ARHGEF18: variants seen among roughly 807,000 people sequenced by gnomAD.
ARHGEF18 encodes rho guanine nucleotide exchange factor 18.
In ARHGEF18, 93 loss-of-function variants were observed where a neutral mutation model predicts 155.7. That is an observed-to-expected ratio of 0.60 (90% CI 0.50 to 0.71). ARHGEF18 has a LOEUF of 0.71. ARHGEF18 is among the 30% of genes least tolerant of loss of function. The pLI is 0.00. For synonymous variants in ARHGEF18, 742 were observed against 753.1 expected (o/e 0.99, Z 0.24); for missense variants, 1,593 against 1,816.1 (o/e 0.88, Z 2.23).
At chr19:7,353,614 GAAAAGA>G (rs368935422) in intron 1 of ARHGEF18, among the ~76,000 whole-genome samples, 2,196 of 150,388 alleles carry the variant, frequency 0.015, 23 homozygotes, top group Non-Finnish European at 0.021. Flanking sequence ...AAAAAGAAAA[GAAAAGA>G]AAAAGAAAAA....
chr19:7,395,306 C>G lies in ARHGEF18; in HGVS notation c.967+12103C>G, dbSNP rs1427408476. ...CGGGGCTCAGGAGGGGGCCCTCGGT[C>G]TCTTCAGGGGGTGGCCTGGGGCGCG... On this transcript the variant is annotated intron_variant, in intron 10 of 28. Coordinates refer to ENST00000668164, the MANE Select transcript of ARHGEF18 (RefSeq NM_001367823.1). This position sits in a 1 kb window ranked among gnomAD's most constrained non-coding sequence, Gnocchi z 5.0. The G allele has an allele frequency of 1.0e-6, 1 of 985,790 alleles. No homozygotes were observed. The allele number at this position is 985,790 out of a possible 1,614,324, so 61.1% of individuals were successfully genotyped here.
Position 7,470,745 on chromosome 19 carries a change from G to T in ARHGEF18, c.*447G>T. 2.5e-6 allele frequency: 1 copy of T among 400,928 alleles called. No homozygotes were observed. The highest frequency in any genetic ancestry group is 4.4e-6 in the Non-Finnish European group (1 of 226,134). 24.8% of individuals were successfully genotyped at this position (400,928 alleles called of 1,614,324 possible). A position where few individuals can be genotyped will look rare whatever the true frequency, so the allele number is the denominator to read the frequency against. On this transcript the variant is annotated 3_prime_UTR_variant, in exon 29 of 29. Transcript: ENST00000668164. This position sits in a 1 kb window ranked among gnomAD's most constrained non-coding sequence, Gnocchi z 5.9. ...GGGCCACGCTCCACAGCCGCCGCGC[G>T]ACAGTGGAGCCAAGGGTTAGGGCAC...
At chr19:7,431,031 A>G (rs1407910161) in intron 10 of ARHGEF18, among the ~76,000 whole-genome samples, 7 of 151,648 alleles carry the variant, frequency 4.6e-5, no homozygotes, top group South Asian at 4.2e-4. Context: ...GCACACACCT[A>G]TGGTCCCAGC....
At chr19:7,404,775 G>A (rs1191926478) in intron 10 of ARHGEF18, among the ~76,000 whole-genome samples, 1 of 152,106 alleles carries the variant, frequency 6.6e-6, no homozygotes, top group East Asian at 1.9e-4. Context: ...AGGTTCGCCT[G>A]ATGGTTGGGC....
In ARHGEF18 at chr19:7,441,976, C is replaced by T. The variant is rs781112884; in HGVS notation, c.1284C>T (p.Ser428=). The T allele has an allele frequency of 5.0e-6, 8 of 1,614,112 alleles. No homozygotes were observed. In the East Asian group the frequency reaches 1.8e-4, roughly 36 times the overall value. Reference sequence around the variant, plus strand: ...ACGGCCACGAGTTTGAAGCTGAGTCCTGGAGCCTCGCCGTGGATGCAGCCT... The same window carrying T: ...ACGGCCACGAGTTTGAAGCTGAGTCTTGGAGCCTCGCCGTGGATGCAGCCT... ...ESDGHEFEAE[S]WSLAVDAAYA... The change falls in exon 13 of 29, where the codon TCC becomes TCT. Residue 428 remains serine, a synonymous_variant. Coordinates refer to ENST00000668164, the MANE Select transcript of ARHGEF18 (RefSeq NM_001367823.1).
At chr19:7,379,887 G>A (rs200725450) in intron 7 of ARHGEF18, among the ~76,000 whole-genome samples, 3 of 152,208 alleles carry the variant, frequency 2.0e-5, no homozygotes, top group Middle Eastern at 3.4e-3. Context: ...AAAATTTGCT[G>A]GGCGAGGTGG....
chr19:7,430,682 A>G (rs8103846), intron 10 of ARHGEF18, among the ~76,000 whole-genome samples: 80,711 of 151,848 alleles, frequency 0.53, 22,123 homozygotes, highest in East Asian at 0.75. Context: ...GTATGCGCCT[A>G]TAGTCCCAGC....
chr19:7,475,935 G>C (rs555185582), downstream of ARHGEF18, among the ~76,000 whole-genome samples: 2 of 152,200 alleles, frequency 1.3e-5, no homozygotes, highest in East Asian at 3.9e-4. Context: ...TGGCCCACTC[G>C]TGAGTCCTGG....
intron 18 of ARHGEF18, 117 bp downstream of exon 18, chr19:7,456,520 C>A: frequency 1.1e-6 from 1 of 911,190 alleles, no homozygotes. Flanking sequence ...AGTTGAAGTC[C>A]AGCCTGGCCA....
At chr19:7,474,515 A>C (rs1599196927), downstream of ARHGEF18, among the ~76,000 whole-genome samples, 1 of 152,024 alleles carries the variant, frequency 6.6e-6, no homozygotes, top group East Asian at 2.0e-4. Context: ...AGTAGCTGGG[A>C]TTACAGGCAC....
chr19:7,419,612 C>G (rs948587212), intron 10 of ARHGEF18, among the ~76,000 whole-genome samples: 21 of 152,228 alleles, frequency 1.4e-4, no homozygotes, highest in African/African-American at 5.1e-4. Context: ...CCTCAAAACC[C>G]TTTTCTCTTG....
Position 7,362,080 on chromosome 19 carries a change from A to G in ARHGEF18, c.-110-701A>G, listed in dbSNP as rs796393753. Among the ~76,000 whole-genome samples the G allele has an allele frequency of 2.4e-3, 48 of 19,666 alleles. 2 individuals carry two copies. The East Asian group carries it at 0.031, about 13-fold the overall frequency. 12.9% of individuals were successfully genotyped at this position (19,666 alleles called of 152,430 possible). A position where few individuals can be genotyped will look rare whatever the true frequency, so the allele number is the denominator to read the frequency against. ...GAAGGAGAAGGAGAAGGAGAAGGAG[A>G]AGGAGAAGGAGAAGGAGAAGGAGAA... is the stretch of plus-strand genomic sequence containing the variant. On this transcript the variant is annotated intron_variant, in intron 1 of 28. Coordinates refer to ENST00000668164, the MANE Select transcript of ARHGEF18 (RefSeq NM_001367823.1).
intron 2 of ARHGEF18, among the ~76,000 whole-genome samples, chr19:7,371,275 A>G (rs899268168): frequency 6.6e-5 from 10 of 152,140 alleles, no homozygotes; most frequent in Non-Finnish European, 8.8e-5. Context: ...GCTGTGTTTC[A>G]TGGGAACAGA....
chr19:7,469,873 G>A, intron 27 of ARHGEF18, 31 bp from the exon 28 acceptor site: 2 of 1,608,602 alleles, frequency 1.2e-6, no homozygotes, highest in Non-Finnish European at 1.7e-6. Flanking sequence ...TGGCCAGCCT[G>A]GAGCTGGCCC....
chr19:7,411,044 A>G (rs559115725), intron 10 of ARHGEF18, among the ~76,000 whole-genome samples: 2 of 152,096 alleles, frequency 1.3e-5, no homozygotes. Context: ...TATAGGTGAT[A>G]TTGAAGGTCC....
At chr19:7,421,245 G>A (rs150202078) in intron 10 of ARHGEF18, among the ~76,000 whole-genome samples, 89 of 152,234 alleles carry the variant, frequency 5.8e-4, no homozygotes, top group East Asian at 3.7e-3. Flanking sequence ...TGAACAGCAC[G>A]GGTTTCAGCT....
intron 10 of ARHGEF18, among the ~76,000 whole-genome samples, chr19:7,388,517 T>C (rs17159415): frequency 0.11 from 17,240 of 152,074 alleles, 1,898 homozygotes; most frequent in African/African-American, 0.28. Flanking sequence ...AAGTCAGGGT[T>C]TGAACTCACA....
chr19:7,437,422 CAAA>C (rs200582880), intron 10 of ARHGEF18, among the ~76,000 whole-genome samples: 284 of 122,506 alleles, frequency 2.3e-3, no homozygotes, highest in African/African-American at 6.7e-3. Context: ...AAATCCGTCT[CAAA>C]AAAAAAAAAA....
At chr19:7,366,136 G>A (rs1169991630) in intron 2 of ARHGEF18, among the ~76,000 whole-genome samples, 1 of 152,146 alleles carries the variant, frequency 6.6e-6, no homozygotes, top group Non-Finnish European at 1.5e-5. Flanking sequence ...AGAAGAGATG[G>A]GGTTTTGCCA....
Sources: gnomAD v4.1 joint callset for allele counts (sites outside exome capture counted in the v4.1 genomes callset) on GRCh38, gnomAD v4.1.1 for gene constraint, Gnocchi (gnomAD v3.1) non-coding constraint, MANE v1.5 for transcripts, NCBI Gene and HGNC (gene_info 2026-07-23, HGNC 2026-07-21) for gene names.